The following BMPR1B variants were observed in gnomAD, a reference collection of about 807,000 sequenced individuals.
BMPR1B encodes bone morphogenetic protein receptor type-1B.
In BMPR1B, 12 loss-of-function variants were observed where a neutral mutation model predicts 59.1. The observed-to-expected ratio is 0.20, with a 90% confidence interval of 0.13 to 0.33. The LOEUF is 0.33. Among genes scored for constraint, BMPR1B ranks in the 10% least tolerant of loss-of-function variants. The probability of loss-of-function intolerance (pLI) is 1.00; values close to 1 mark genes in which losing one functional copy is unlikely to be tolerated. For missense variants in BMPR1B, 550 were observed against 610.9 expected (o/e 0.90, Z 1.05); for synonymous variants, 237 against 207.3 (o/e 1.14, Z -1.23).
chr4:94,902,905 A>C (rs190623646), intron 2 of BMPR1B, among the ~76,000 whole-genome samples: 1 of 151,996 alleles, frequency 6.6e-6, no homozygotes, highest in Non-Finnish European at 1.5e-5. Flanking sequence ...ACTGAATTCA[A>C]TCTTGATGTT....
chr4:95,121,532 A>G (rs1023637956), intron 6 of BMPR1B, among the ~76,000 whole-genome samples: 6 of 152,188 alleles, frequency 3.9e-5, no homozygotes, highest in Non-Finnish European at 8.8e-5. Flanking sequence ...TCCAAAAATA[A>G]TACAGACACA....
chr4:95,105,879 G>A (rs1731167165), intron 4 of BMPR1B, among the ~76,000 whole-genome samples: 1 of 152,160 alleles, frequency 6.6e-6, no homozygotes, highest in East Asian at 1.9e-4. Flanking sequence ...ATTAGCAGGA[G>A]CAAACAAAGT....
chr4:94,920,167 G>A (rs1313628291), intron 2 of BMPR1B, among the ~76,000 whole-genome samples: 1 of 152,112 alleles, frequency 6.6e-6, no homozygotes, highest in Non-Finnish European at 1.5e-5. Context: ...TTTTATACTG[G>A]TTATGTGGCA....
chr4:95,141,847 T>C (rs574990853), intron 10 of BMPR1B, among the ~76,000 whole-genome samples: 2 of 152,300 alleles, frequency 1.3e-5, no homozygotes, highest in Non-Finnish European at 1.5e-5. Flanking sequence ...CACACTGATG[T>C]CCAGTGGATG....
intron 2 of BMPR1B, among the ~76,000 whole-genome samples, chr4:94,967,189 G>A (rs1730585824): frequency 6.6e-6 from 1 of 152,062 alleles, no homozygotes; most frequent in East Asian, 1.9e-4. Context: ...TTTTATATAA[G>A]AAAGCCTTTG....
rs539470373 is a variant in BMPR1B, at chr4:94,760,059, T to G, written c.-183+1991T>G. ...TTTAGTTACATGATATAAGTTGATA[T>G]GATCTCATTACTCATGTGCTAGGGG... On this transcript the variant is annotated intron_variant, in intron 1 of 12. Coordinates refer to ENST00000515059, the MANE Select transcript of BMPR1B (RefSeq NM_001203.3). 2.0e-5 allele frequency among the ~76,000 whole-genome samples: 3 copies of G among 152,226 alleles called. No individual in the cohort carries two copies. In the South Asian group the frequency reaches 6.2e-4, roughly 31 times the overall value.
At chr4:94,800,763 T>G (rs1317607361) in intron 1 of BMPR1B, among the ~76,000 whole-genome samples, 1 of 152,214 alleles carries the variant, frequency 6.6e-6, no homozygotes, top group East Asian at 1.9e-4. Flanking sequence ...ATAAAACAAT[T>G]ATCTAAAAAT....
At chr4:95,147,784 C>A (rs1264096852) in intron 10 of BMPR1B, among the ~76,000 whole-genome samples, 1 of 152,018 alleles carries the variant, frequency 6.6e-6, no homozygotes, top group Non-Finnish European at 1.5e-5. Flanking sequence ...CTAATATGTG[C>A]CTAGTACCAT....
At chr4:95,082,214 AT>A (rs67331838) in intron 3 of BMPR1B, among the ~76,000 whole-genome samples, 23,878 of 143,038 alleles carry the variant, frequency 0.17, 2,487 homozygotes, top group South Asian at 0.26. Context: ...TAACTGTTCA[AT>A]TTTTTTTTAA....
chr4:94,938,252 C>T (rs1729391020), intron 2 of BMPR1B, among the ~76,000 whole-genome samples: 1 of 151,962 alleles, frequency 6.6e-6, no homozygotes, highest in Non-Finnish European at 1.5e-5. Flanking sequence ...ATAAGAAGTG[C>T]TTGGGAGTCT....
rs547147860 is a variant in BMPR1B, at chr4:95,093,038, CTAACAATG to C, written c.-17-11368_-17-11361del. Among the ~76,000 whole-genome samples the C allele has an allele frequency of 9.9e-5, 15 of 152,212 alleles. No homozygotes were observed. In the South Asian group the frequency reaches 2.9e-3, roughly 29 times the overall value. On this transcript the variant is annotated intron_variant, in intron 3 of 12. Coordinates refer to ENST00000515059, the MANE Select transcript of BMPR1B (RefSeq NM_001203.3). ...AAGAGACCACGGTTCAGTTTCTTTT[CTAACAATG>C]TGGAGCTGAATTGACACATTAAATA... is the stretch of plus-strand genomic sequence containing the variant.
chr4:95,006,376 C>A (rs534839786), intron 3 of BMPR1B, among the ~76,000 whole-genome samples: 370 of 134,424 alleles, frequency 2.8e-3, no homozygotes, highest in South Asian at 4.2e-3. Context: ...GACTCCATCT[C>A]AAAAAAAAAA....
chr4:94,964,333 G>A (rs1730475664), intron 2 of BMPR1B, among the ~76,000 whole-genome samples: 1 of 151,824 alleles, frequency 6.6e-6, no homozygotes, highest in Non-Finnish European at 1.5e-5. Context: ...TTGTCTAATT[G>A]CTCTGGCCAA....
At chr4:94,771,112 C>T (rs1225996429) in intron 1 of BMPR1B, among the ~76,000 whole-genome samples, 1 of 152,112 alleles carries the variant, frequency 6.6e-6, no homozygotes, top group Non-Finnish European at 1.5e-5. Context: ...ATACAAGTAG[C>T]AGCAGGAAGA....
chr4:94,786,900 G>A (rs1276040602), intron 1 of BMPR1B, among the ~76,000 whole-genome samples: 1 of 151,888 alleles, frequency 6.6e-6, no homozygotes, highest in Non-Finnish European at 1.5e-5. Flanking sequence ...TGTTGCCTAG[G>A]CTGGTTTTGA....
At chr4:95,077,372 T>C (rs752464001) in intron 3 of BMPR1B, among the ~76,000 whole-genome samples, 11 of 152,152 alleles carry the variant, frequency 7.2e-5, no homozygotes, top group Non-Finnish European at 1.5e-4. Context: ...TGTGTCTATT[T>C]TGCCAGGCTC....
At chr4:94,981,001 A>ACACGCGCGTGTACGCGCGCG (rs776481058) in intron 2 of BMPR1B, among the ~76,000 whole-genome samples, 4 of 8,088 alleles carry the variant, frequency 4.9e-4, no homozygotes, top group African/African-American at 1.3e-3. Flanking sequence ...TCACACACAC[A>ACACGCGCGTGTACGCGCGCG]CACACACACA....
At chr4:94,916,030 G>C (rs57879004) in intron 2 of BMPR1B, among the ~76,000 whole-genome samples, 3,911 of 152,190 alleles carry the variant, frequency 0.026, 156 homozygotes, top group African/African-American at 0.089. Flanking sequence ...AAAGCTCCCT[G>C]AGGCCTCCCA....
chr4:95,096,870 TTA>T (rs1235464252), intron 3 of BMPR1B, among the ~76,000 whole-genome samples: 7 of 141,154 alleles, frequency 5.0e-5, no homozygotes, highest in South Asian at 2.1e-4. Flanking sequence ...ATAACTATAG[TTA>T]TATATATATT....
Sources: gnomAD v4.1 joint callset for allele counts (sites outside exome capture counted in the v4.1 genomes callset) on GRCh38, gnomAD v4.1.1 for gene constraint, MANE v1.5 for transcripts, NCBI Gene and HGNC (gene_info 2026-07-23, HGNC 2026-07-21) for gene names.